MTHFS: variants seen among roughly 807,000 people sequenced by gnomAD.
MTHFS encodes methenyltetrahydrofolate synthetase.
In MTHFS, 7 loss-of-function variants were observed where a neutral mutation model predicts 12.7. The ratio of observed to expected loss-of-function variants is 0.55; its 90% CI spans 0.31 to 1.03. The LOEUF (loss-of-function observed/expected upper bound fraction) is 1.03, where lower values mean the gene tolerates loss of function less well. Among genes scored for constraint, MTHFS ranks in the 50% least tolerant of loss-of-function variants. MTHFS has a pLI of 0.05. For synonymous variants in MTHFS, 100 were observed against 97.1 expected, an observed-to-expected ratio of 1.03 and a Z score of -0.18; for missense variants, 252 against 258.1, an observed-to-expected ratio of 0.98 and a Z score of 0.16.
rs375704220 is a variant in MTHFS, at chr15:79,896,905, C to T, written c.84G>A (p.Glu28=). Residue 28 remains glutamate, a synonymous_variant, in exon 1 of 3, where the codon GAG becomes GAA. Transcript: ENST00000258874. ...TCAGTACGCGGGACTGGCGTAGCCG[C>T]TCCTCGGCACTCATCGCCCGCAGAC... ...KQRLRAMSAE[E]RLRQSRVLSQ... 1.9e-5 allele frequency: 30 copies of T among 1,542,716 alleles called. No homozygotes were observed. In the East Asian group the frequency reaches 5.6e-4, roughly 29 times the overall value.
intron 2 of MTHFS, among the ~76,000 whole-genome samples, chr15:79,848,280 T>C (rs2033654300): frequency 6.6e-6 from 1 of 152,066 alleles, no homozygotes; most frequent in Non-Finnish European, 1.5e-5. Context: ...CACTTACATG[T>C]GGTATCTAGA....
intron 2 of MTHFS, among the ~76,000 whole-genome samples, chr15:79,880,232 G>C (rs955096514): frequency 2.0e-5 from 3 of 151,966 alleles, no homozygotes; most frequent in Non-Finnish European, 4.4e-5. Flanking sequence ...ACCACGCCTG[G>C]CTAATTCTTT....
intron 2 of MTHFS, among the ~76,000 whole-genome samples, chr15:79,865,914 C>CTTCATCTGG (rs368883605): frequency 4.1e-4 from 63 of 152,318 alleles, no homozygotes; most frequent in African/African-American, 1.5e-3. Context: ...TCCCTTCTTT[C>CTTCATCTGG]TTCATCTGGG....
chr15:79,868,413 T>C (rs1056105018), intron 2 of MTHFS, among the ~76,000 whole-genome samples: 6 of 152,174 alleles, frequency 3.9e-5, no homozygotes, highest in African/African-American at 1.2e-4. Flanking sequence ...CAAAGAGAAA[T>C]ATAGCACGTA....
At chr15:79,852,210 T>C (rs1485545593) in intron 2 of MTHFS, among the ~76,000 whole-genome samples, 1 of 152,226 alleles carries the variant, frequency 6.6e-6, no homozygotes, top group Non-Finnish European at 1.5e-5. Flanking sequence ...CAATACCATA[T>C]GTTTTGAACT....
chr15:79,872,804 G>A (rs1357986127), intron 2 of MTHFS, among the ~76,000 whole-genome samples: 7 of 152,144 alleles, frequency 4.6e-5, no homozygotes, highest in African/African-American at 1.2e-4. Flanking sequence ...TTTTGTCATC[G>A]TCTGCTGGTT....
At chr15:79,858,397 C>G (rs754987663) in intron 2 of MTHFS, among the ~76,000 whole-genome samples, 1 of 152,190 alleles carries the variant, frequency 6.6e-6, no homozygotes, top group Non-Finnish European at 1.5e-5. Context: ...CCTATTGTAT[C>G]AACCACGAAA....
At chr15:79,863,067 G>T (rs2033945441) in intron 2 of MTHFS, among the ~76,000 whole-genome samples, 1 of 152,138 alleles carries the variant, frequency 6.6e-6, no homozygotes, top group Admixed American at 6.5e-5. Context: ...TCTCTCTTCT[G>T]CATTCTTTGC....
intron 1 of MTHFS, among the ~76,000 whole-genome samples, chr15:79,889,965 G>C (rs1224358728): frequency 6.6e-6 from 1 of 151,938 alleles, no homozygotes; most frequent in East Asian, 1.9e-4. Context: ...CATGAACTGA[G>C]TTCTCTGAGG....
intron 2 of MTHFS, among the ~76,000 whole-genome samples, chr15:79,858,015 C>CAAAAAAAAA (rs71453466): frequency 1.3e-4 from 8 of 59,450 alleles, no homozygotes; most frequent in East Asian, 4.7e-4. Flanking sequence ...GACTCCATCT[C>CAAAAAAAAA]AAAAAAAAAA....
intron 1 of MTHFS, among the ~76,000 whole-genome samples, chr15:79,892,955 A>T (rs2034499718): frequency 6.6e-6 from 1 of 152,072 alleles, no homozygotes; most frequent in South Asian, 2.1e-4. Flanking sequence ...ATCTAAAAAA[A>T]AATTAAAAAA....
intron 2 of MTHFS, among the ~76,000 whole-genome samples, chr15:79,885,274 T>C (rs1341619025): frequency 1.3e-5 from 2 of 152,226 alleles, no homozygotes; most frequent in Non-Finnish European, 2.9e-5. Context: ...AAAGTCTTCG[T>C]TGTGATCATT....
At chr15:79,865,649 T>G (rs74025941) in intron 2 of MTHFS, among the ~76,000 whole-genome samples, 10,169 of 152,240 alleles carry the variant, frequency 0.067, 363 homozygotes, top group Middle Eastern at 0.12. Flanking sequence ...TCAGCCCTCA[T>G]CCCTGCTTAC....
At chr15:79,867,409 T>C (rs191141224) in intron 2 of MTHFS, among the ~76,000 whole-genome samples, 26 of 152,186 alleles carry the variant, frequency 1.7e-4, no homozygotes, top group Admixed American at 1.2e-3. Flanking sequence ...GAAGTTTTCT[T>C]TAGGCCTCTG....
At chr15:79,855,982 G>C (rs76867598) in intron 2 of MTHFS, among the ~76,000 whole-genome samples, 3,757 of 152,228 alleles carry the variant, frequency 0.025, 170 homozygotes, top group African/African-American at 0.085. Flanking sequence ...GAACATATGT[G>C]AGTATGTGTC....
At chr15:79,853,255 T>A (rs1191488676) in intron 2 of MTHFS, among the ~76,000 whole-genome samples, 1 of 152,198 alleles carries the variant, frequency 6.6e-6, no homozygotes, top group African/African-American at 2.4e-5. Context: ...ATCATGTGCA[T>A]ATGGAACCAA....
chr15:79,871,164 C>A (rs985737267), intron 2 of MTHFS, among the ~76,000 whole-genome samples: 3 of 151,974 alleles, frequency 2.0e-5, no homozygotes, highest in Non-Finnish European at 4.4e-5. Flanking sequence ...AAAGAAAAGG[C>A]ACATTTAATT....
chr15:79,883,127 C>A lies in MTHFS; in HGVS notation c.379+5966G>T, dbSNP rs915215228. On this transcript the variant is annotated intron_variant, in intron 2 of 2. Coordinates refer to ENST00000258874, the MANE Select transcript of MTHFS (RefSeq NM_006441.4). ...GCTGAAGTTGGAGGATCACTTGAGC[C>A]CAGAAGTTCAAGGTTACAGTTAGCT... Among the ~76,000 whole-genome samples the A allele has an allele frequency of 4.6e-5, 7 of 152,206 alleles. No individual in the cohort carries two copies. The South Asian group carries it at 1.5e-3, about 32-fold the overall frequency.
chr15:79,845,196 G>A lies in MTHFS; in HGVS notation c.*14C>T, dbSNP rs2033586692. Reference sequence around the variant, plus strand: ...CATATAAAACACTGATTATTTGGCTGTAGTAATCCAGATTTAAGCTGTTGA... The same window carrying A: ...CATATAAAACACTGATTATTTGGCTATAGTAATCCAGATTTAAGCTGTTGA... On this transcript the variant is annotated 3_prime_UTR_variant, in exon 3 of 3. Coordinates refer to ENST00000258874, the MANE Select transcript of MTHFS (RefSeq NM_006441.4). 1.9e-6 allele frequency: 3 copies of A among 1,613,898 alleles called. No individual in the cohort carries two copies. The highest frequency in any genetic ancestry group is 2.7e-5 in the African/African-American group (2 of 75,028).
Sources: allele counts gnomAD v4.1 joint callset (sites outside exome capture counted in the v4.1 genomes callset), GRCh38; gene constraint gnomAD v4.1.1; transcripts MANE v1.5; gene names NCBI Gene and HGNC (gene_info 2026-07-23, HGNC 2026-07-21).